LTBR: variants seen among roughly 807,000 people sequenced by gnomAD.
LTBR encodes the protein tumor necrosis factor receptor superfamily member 3.
Under a neutral mutation model 45.4 loss-of-function variants are expected in LTBR, and 15 were observed. That is an observed-to-expected ratio of 0.33 (90% confidence interval 0.22 to 0.51). The LOEUF (loss-of-function observed/expected upper bound fraction) is 0.51. Ranked by LOEUF, LTBR falls within the 20% of genes least tolerant of loss-of-function variation. The pLI is 0.97. For missense variants in LTBR, 450 were observed against 565.5 expected, an observed-to-expected ratio of 0.80 and a Z score of 2.07; for synonymous variants, 228 against 231.0, an observed-to-expected ratio of 0.99 and a Z score of 0.12.
chr12:6,389,903 G>C (rs990167947), intron 8 of LTBR: 2 of 576,136 alleles, frequency 3.5e-6, no homozygotes, highest in African/African-American at 3.7e-5. Context: ...CCTGCAGTGA[G>C]CTATGATTGC....
Position 6,377,504 on chromosome 12 carries a change from G to A in LTBR, c.39+1910G>A, listed in dbSNP as rs183332683. 2.1e-4 allele frequency: 144 copies of A among 689,762 alleles called. No individual in the cohort carries two copies. In the East Asian group the frequency reaches 3.3e-3, roughly 16 times the overall value. The allele number at this position is 689,762 out of a possible 1,614,324, so 42.7% of individuals were successfully genotyped here. On this transcript the variant is annotated intron_variant, in intron 1 of 9. Coordinates refer to the LTBR transcript ENST00000539925. ...TCAGGTGCACCTGGATGTGAAAGCC[G>A]GGAAGGCCTCCCTCACTCCCACACA...
exon 1 of LTBR, chr12:6,375,581 C>A: frequency 6.5e-7 from 1 of 1,533,768 alleles, no homozygotes; most frequent in Non-Finnish European, 8.7e-7. Context: ...ATCTCATTAG[C>A]ATCTCAATTA....
chr12:6,390,781 T>C lies in LTBR; in HGVS notation c.1152T>C (p.Pro384=), dbSNP rs1949104398. 3 of 1,605,412 alleles carry C rather than the reference T, an allele frequency of 1.9e-6. No homozygotes were observed. Among genetic ancestry groups the C allele is most frequent in the Non-Finnish European group, 2.6e-6 (3 of 1,175,670 alleles). Residue 384 remains proline, a synonymous_variant, in exon 10 of 10, where the codon CCT becomes CCC. Transcript: ENST00000228918. ...GPGDLPATPE[P]PYPIPEEGDP... is the part of the protein sequence containing the mutation. ...GAGACCTCCCAGCTACCCCCGAACCTCCATACCCCATTCCCGAAGAGGGGG... is the reference window on the plus strand; with the variant it reads ...GAGACCTCCCAGCTACCCCCGAACCCCCATACCCCATTCCCGAAGAGGGGG...
At chr12:6,387,570 C>G (rs1949063323) in intron 6 of LTBR, 1 of 170,210 alleles carries the variant, frequency 5.9e-6, no homozygotes. Context: ...CCCAGGCCTC[C>G]CATCCCATAT....
chr12:6,377,285 G>T, intron 1 of LTBR: 1 of 1,549,688 alleles, frequency 6.5e-7, no homozygotes, highest in Non-Finnish European at 8.7e-7. Context: ...CCCTTGGAAG[G>T]GACAGCTGGA....
chr12:6,380,818 G>C (rs1948975804), upstream of LTBR, among the ~76,000 whole-genome samples: 1 of 152,172 alleles, frequency 6.6e-6, no homozygotes, highest in Non-Finnish European at 1.5e-5. Flanking sequence ...CCTGGGAGAA[G>C]AGTCCCACCC....
chr12:6,377,285 G>C (rs557040840), intron 1 of LTBR: 1 of 1,549,688 alleles, frequency 6.5e-7, no homozygotes, highest in African/African-American at 1.4e-5. Flanking sequence ...CCCTTGGAAG[G>C]GACAGCTGGA....
intron 1 of LTBR, chr12:6,377,264 C>T (rs1948928042): frequency 1.3e-6 from 2 of 1,551,032 alleles, no homozygotes; most frequent in Non-Finnish European, 1.7e-6. Flanking sequence ...TGATACTGCT[C>T]ATGATACCTC....
upstream of LTBR, among the ~76,000 whole-genome samples, chr12:6,379,933 C>CA (rs60566609): frequency 2.3e-3 from 267 of 115,850 alleles, 1 homozygote; most frequent in East Asian, 3.9e-3. Context: ...GACTCTGTCT[C>CA]AAAAAAAAAA....
At chr12:6,377,526 C>T (rs1948931591) in intron 1 of LTBR, 2 of 741,918 alleles carry the variant, frequency 2.7e-6, no homozygotes, top group Non-Finnish European at 4.4e-6. Context: ...CTCACTCCCA[C>T]ACAGAGCCCG....
chr12:6,375,293 TC>T (rs933117384), upstream of LTBR: 181 of 1,435,374 alleles, frequency 1.3e-4, no homozygotes, highest in African/African-American at 1.9e-3. Flanking sequence ...TCTCTTCCTC[TC>T]CCCCCCTTGC....
At position 6,388,319 on chromosome 12, in the gene LTBR, T is replaced by A; in HGVS notation, c.668-79T>A. On this transcript the variant is annotated intron_variant, in intron 6 of 9. Coordinates refer to ENST00000228918, the MANE Select transcript of LTBR (RefSeq NM_002342.3). The surrounding 1 kb of genome is among the most constrained non-coding windows in gnomAD (Gnocchi z 4.3). Reference sequence around the variant, plus strand: ...TTTCTCTGTCTGGGTTGCCCAGGGATCTGGAAAGCTCTTCCTTCTCCTCCT... The same window carrying A: ...TTTCTCTGTCTGGGTTGCCCAGGGAACTGGAAAGCTCTTCCTTCTCCTCCT... 9.3e-7 allele frequency: 1 copy of A among 1,075,932 alleles called. No homozygotes were observed. The highest frequency in any genetic ancestry group is 2.4e-5 in the East Asian group (1 of 42,130). 66.6% of individuals were successfully genotyped at this position (1,075,932 alleles called of 1,614,324 possible).
chr12:6,387,463 C>G (rs1438319781), intron 6 of LTBR: 1 of 154,398 alleles, frequency 6.5e-6, no homozygotes, highest in Non-Finnish European at 1.4e-5. Flanking sequence ...CTAACCTCAT[C>G]CTATATATGA....
chr12:6,375,817 G>A lies in LTBR; in HGVS notation c.39+223G>A, dbSNP rs1180942059. The A allele has an allele frequency of 1.0e-5, 14 of 1,362,486 alleles. No homozygotes were observed. The Admixed American group carries it at 3.1e-4, about 30-fold the overall frequency. The allele number at this position is 1,362,486 out of a possible 1,614,324, so 84.4% of individuals were successfully genotyped here. On this transcript the variant is annotated intron_variant, in intron 1 of 9. Coordinates refer to the LTBR transcript ENST00000539925. ...GGATCCTGAGCCCACAGCTAGGAGGGCAACACAAGGAGAAGGGGCCAGCCA... is the reference window on the plus strand; with the variant it reads ...GGATCCTGAGCCCACAGCTAGGAGGACAACACAAGGAGAAGGGGCCAGCCA...
In LTBR at chr12:6,385,315, C is replaced by G. The variant is rs961180619; in HGVS notation, c.408C>G (p.Ala136=). 1.2e-6 allele frequency: 2 copies of G among 1,614,112 alleles called. No individual in the cohort carries two copies. Among genetic ancestry groups the G allele is most frequent in the Admixed American group, 1.7e-5 (1 of 60,008 alleles). The change falls in exon 4 of 10, where the codon GCC becomes GCG. Residue 136 remains alanine, a synonymous_variant. Coordinates refer to ENST00000228918, the MANE Select transcript of LTBR (RefSeq NM_002342.3). The part of the protein sequence containing the change: ...CQPGMFCAAW[A]LECTHCELLS... ...CGGGAATGTTCTGTGCTGCCTGGGCCCTCGAGTGTACACACTGCGAGCTAC... is the reference window on the plus strand; with the variant it reads ...CGGGAATGTTCTGTGCTGCCTGGGCGCTCGAGTGTACACACTGCGAGCTAC...
At chr12:6,377,464 A>G (rs1592093084) in intron 1 of LTBR, 2 of 657,826 alleles carry the variant, frequency 3.0e-6, no homozygotes, top group Admixed American at 2.6e-5. Context: ...AGACAGACTC[A>G]TGGGGGATCG....
chr12:6,386,367 T>TGG lies in LTBR; in HGVS notation c.591_592dup (p.Glu198GlyfsTer18). Reference sequence around the variant, plus strand: ...TGCAGGTGTGAGAACCAAGGTCTGGTGGAGGCAGCTCCAGGCACTGCCCAG... The same window carrying TGG: ...TGCAGGTGTGAGAACCAAGGTCTGGTGGGGAGGCAGCTCCAGGCACTGCCCAG... On this transcript the variant is annotated frameshift_variant, in exon 6 of 10. Transcript: ENST00000228918. LOFTEE classifies it high-confidence loss of function. The surrounding 1 kb of genome is among the most constrained non-coding windows in gnomAD (Gnocchi z 4.1). The TGG allele has an allele frequency of 6.2e-7, 1 of 1,613,548 alleles. No homozygotes were observed. The highest frequency in any genetic ancestry group is 8.5e-7 in the Non-Finnish European group (1 of 1,179,886).
chr12:6,390,731 G>A lies in LTBR; in HGVS notation c.1102G>A (p.Val368Ile). 1 of 1,551,106 alleles carries A rather than the reference G, an allele frequency of 6.4e-7. No homozygotes were observed. The highest frequency in any genetic ancestry group is 8.7e-7 in the Non-Finnish European group (1 of 1,150,386). The change falls in exon 10 of 10, where the codon GTA becomes ATA. Residue 368 changes from valine to isoleucine, a missense_variant. Transcript: ENST00000228918. ...CAACATCTACATCTACAATGGACCA[G>A]TACTGGGGGGACCACCGGGTCCTGG... ...TGNIYIYNGPVLGGPPGPGDL... is the reference protein window; with the variant it reads ...TGNIYIYNGPILGGPPGPGDL...
intron 1 of LTBR, chr12:6,377,579 C>A: frequency 9.9e-7 from 1 of 1,008,912 alleles, no homozygotes. Flanking sequence ...CTCCTTGGCT[C>A]TGTGAAAAGG....
Sources: gnomAD v4.1 joint callset for allele counts (sites outside exome capture counted in the v4.1 genomes callset) on GRCh38, gnomAD v4.1.1 for gene constraint, Gnocchi (gnomAD v3.1) non-coding constraint, MANE v1.5 for transcripts, NCBI Gene and HGNC (gene_info 2026-07-23, HGNC 2026-07-21) for gene names.